The following SYNPR variants were observed in gnomAD, a reference collection of about 807,000 sequenced individuals.
SYNPR encodes synaptoporin.
Under a neutral mutation model 32.9 loss-of-function variants are expected in SYNPR, and 23 were observed. The ratio of observed to expected loss-of-function variants is 0.70; its 90% CI spans 0.50 to 0.99. SYNPR has a LOEUF of 0.99. Among genes scored for constraint, SYNPR ranks in the 50% least tolerant of loss-of-function variants. The pLI is 0.00. For missense variants in SYNPR, 318 were observed against 349.3 expected (o/e 0.91, Z 0.71); for synonymous variants, 146 against 135.9 (o/e 1.07, Z -0.52).
intron 2 of SYNPR, among the ~76,000 whole-genome samples, chr3:63,256,745 A>G (rs1264347071): frequency 6.6e-6 from 1 of 152,202 alleles, no homozygotes; most frequent in African/African-American, 2.4e-5. Flanking sequence ...TTGAGAGAAG[A>G]AGGCTTCAGA....
At chr3:63,397,960 C>CA (rs566216102) in intron 2 of SYNPR, among the ~76,000 whole-genome samples, 141 of 152,246 alleles carry the variant, frequency 9.3e-4, no homozygotes, top group African/African-American at 2.9e-3. Flanking sequence ...GTAAAATACT[C>CA]ACGATATAAT....
chr3:63,440,499 G>C (rs1700150885), intron 2 of SYNPR, among the ~76,000 whole-genome samples: 1 of 152,262 alleles, frequency 6.6e-6, no homozygotes, highest in African/African-American at 2.4e-5. Context: ...TGAAAGCAGT[G>C]AGACCTAAAG....
chr3:63,378,039 G>A (rs73846585), intron 2 of SYNPR, among the ~76,000 whole-genome samples: 1,573 of 151,694 alleles, frequency 0.01, 35 homozygotes, highest in African/African-American at 0.036. Flanking sequence ...AAAGAAAATT[G>A]TATAATATAG....
rs575243141 is a variant in SYNPR at position 63,552,059 on chromosome 3, G to A, written c.210-4484G>A. ...ATTACAGGTGCCCGCCACCATGTCT[G>A]GCTAATTTTTGTATTTTTAATAGAG... On this transcript the variant is annotated intron_variant, in intron 3 of 5. Transcript: ENST00000478300. Among the ~76,000 whole-genome samples, 4 of 151,934 alleles carry A rather than the reference G, an allele frequency of 2.6e-5. No individual in the cohort carries two copies. The South Asian group carries it at 8.3e-4, about 32-fold the overall frequency.
intron 2 of SYNPR, among the ~76,000 whole-genome samples, chr3:63,264,766 C>T (rs72878282): frequency 6.6e-6 from 1 of 152,060 alleles, no homozygotes; most frequent in African/African-American, 2.4e-5. Flanking sequence ...AACTTACAAT[C>T]GTAGCGGAAG....
At chr3:63,530,654 T>G (rs1224753449) in intron 3 of SYNPR, among the ~76,000 whole-genome samples, 1 of 152,156 alleles carries the variant, frequency 6.6e-6, no homozygotes, top group Non-Finnish European at 1.5e-5. Context: ...CTTGGTTTAG[T>G]GCAGATTCTC....
At chr3:63,344,679 A>G (rs1172611589) in intron 2 of SYNPR, among the ~76,000 whole-genome samples, 4 of 151,614 alleles carry the variant, frequency 2.6e-5, no homozygotes, top group Non-Finnish European at 5.9e-5. Flanking sequence ...CTGCACAGAT[A>G]GAGTCGATTC....
In SYNPR at chr3:63,441,566, C is replaced by T. The variant is rs564558802; in HGVS notation, c.85-39266C>T. ...GTTTACTGAGTGCTCACTTAAATGC[C>T]GGGTGATTCTAAGGCTTTTTTTCCC... On this transcript the variant is annotated intron_variant, in intron 2 of 5. Coordinates refer to ENST00000478300, the MANE Select transcript of SYNPR (RefSeq NM_001130003.2). Among the ~76,000 whole-genome samples, 118 of 152,242 alleles carry T rather than the reference C, an allele frequency of 7.8e-4. 1 individual carries two copies. The South Asian group carries it at 0.023, about 30-fold the overall frequency.
At position 63,331,260 on chromosome 3, in the gene SYNPR, G is replaced by T. The variant is rs573010313; in HGVS notation, c.84+52518G>T. Among the ~76,000 whole-genome samples, 32 of 152,224 alleles carry T rather than the reference G, an allele frequency of 2.1e-4. 1 individual carries two copies. The South Asian group carries it at 6.0e-3, about 29-fold the overall frequency. On this transcript the variant is annotated intron_variant, in intron 2 of 5. Transcript: ENST00000478300. Reference sequence around the variant, plus strand: ...ACAGGTGAAAATGAAACCTATTGCCGTTCTAGGATTAAAGGATCTCTCAAC... The same window carrying T: ...ACAGGTGAAAATGAAACCTATTGCCTTTCTAGGATTAAAGGATCTCTCAAC...
intron 4 of SYNPR, among the ~76,000 whole-genome samples, chr3:63,580,467 C>G (rs1475247756): frequency 1.3e-5 from 2 of 152,110 alleles, no homozygotes; most frequent in Non-Finnish European, 2.9e-5. Flanking sequence ...AAAGCCAGAC[C>G]CATGATGCAG....
intron 3 of SYNPR, among the ~76,000 whole-genome samples, chr3:63,505,975 T>C (rs1701579235): frequency 6.6e-6 from 1 of 152,186 alleles, no homozygotes; most frequent in African/African-American, 2.4e-5. Flanking sequence ...CGCCGATAAA[T>C]AGCTCTGTCT....
chr3:63,273,034 TA>T (rs1158845274), intron 3 of SYNPR, among the ~76,000 whole-genome samples: 1 of 152,118 alleles, frequency 6.6e-6, no homozygotes, highest in East Asian at 1.9e-4. Context: ...TGATGAAAGA[TA>T]AAAATTACAA....
intron 4 of SYNPR, among the ~76,000 whole-genome samples, chr3:63,594,389 G>A (rs1031707734): frequency 2.0e-5 from 3 of 152,152 alleles, no homozygotes; most frequent in African/African-American, 7.2e-5. Context: ...AATTAAATGA[G>A]TAATGCGTGG....
intron 3 of SYNPR, among the ~76,000 whole-genome samples, chr3:63,491,766 CT>C (rs1297254677): frequency 6.6e-6 from 1 of 152,020 alleles, no homozygotes; most frequent in African/African-American, 2.4e-5. Flanking sequence ...AGTGATCTGC[CT>C]CCCTCGGCCT....
At chr3:63,288,838 T>C (rs141650584) in intron 2 of SYNPR, among the ~76,000 whole-genome samples, 1 of 152,264 alleles carries the variant, frequency 6.6e-6, no homozygotes, top group African/African-American at 2.4e-5. Context: ...TGCTGTTTCT[T>C]TGAGGAGGGG....
intron 2 of SYNPR, among the ~76,000 whole-genome samples, chr3:63,457,229 T>C (rs1434492756): frequency 2.0e-5 from 3 of 152,176 alleles, no homozygotes; most frequent in Non-Finnish European, 2.9e-5. Context: ...AACTCTTCAG[T>C]GCTTTCTCTT....
intron 2 of SYNPR, among the ~76,000 whole-genome samples, chr3:63,266,268 T>C (rs1429714700): frequency 6.6e-6 from 1 of 152,078 alleles, no homozygotes. Context: ...TTTAGCACCA[T>C]TGCCCTGTTA....
chr3:63,239,741 TATTGTC>T (rs919697047), intron 1 of SYNPR, among the ~76,000 whole-genome samples: 11 of 151,422 alleles, frequency 7.3e-5, no homozygotes, highest in African/African-American at 1.9e-4. Flanking sequence ...CCCCTCTTTT[TATTGTC>T]AAGTGTATCA....
At chr3:63,312,648 C>G (rs911287822) in intron 2 of SYNPR, among the ~76,000 whole-genome samples, 4 of 152,012 alleles carry the variant, frequency 2.6e-5, no homozygotes, top group African/African-American at 9.7e-5. Flanking sequence ...TCCTTCCTGA[C>G]GTAATGGAAT....
Sources: allele counts gnomAD v4.1 joint callset (sites outside exome capture counted in the v4.1 genomes callset), GRCh38; gene constraint gnomAD v4.1.1; transcripts MANE v1.5; gene names NCBI Gene and HGNC (gene_info 2026-07-23, HGNC 2026-07-21).